Variants in SMS observed in about 807,000 individuals in gnomAD.
The protein encoded by SMS is spermidine aminopropyltransferase.
SMS carries 3 observed loss-of-function variants against 33.0 expected under a neutral mutation model. The ratio of observed to expected loss-of-function variants is 0.09; its 90% CI spans 0.04 to 0.23. The LOEUF is 0.23. Ranked by LOEUF, SMS falls within the 10% of genes least tolerant of loss-of-function variation. The probability of loss-of-function intolerance (pLI) is 1.00; values close to 1 mark genes in which losing one functional copy is unlikely to be tolerated. For synonymous variants in SMS, 103 were observed against 112.2 expected (o/e 0.92, Z 0.52); for missense variants, 117 against 288.6 (o/e 0.41, Z 4.31).
chrX:21,975,569 G>T (rs937769473), intron 4 of SMS, among the ~76,000 whole-genome samples: 1 of 111,304 alleles, frequency 9.0e-6, no homozygotes, highest in Non-Finnish European at 1.9e-5. Flanking sequence ...TCAGCCAGGG[G>T]TGGAAGAGGC....
At chrX:21,941,884 CAAAAAAAAAAAAAAAAAAAAAAAAA>C (rs760394146) in intron 1 of SMS, among the ~76,000 whole-genome samples, 18 of 19,568 alleles carry the variant, frequency 9.2e-4, no homozygotes, top group East Asian at 7.2e-3. Flanking sequence ...GACCCTGTCT[CAAAAAAAAAAAAAAAAAAAAAAAAA>C]AAAAAAAAAA....
chrX:21,964,054 G>A (rs1170390514), intron 1 of SMS, among the ~76,000 whole-genome samples: 2 of 99,917 alleles, frequency 2.0e-5, no homozygotes, highest in Non-Finnish European at 4.0e-5. Context: ...TACCAAGTTT[G>A]AAATCAGATT....
chrX:21,954,035 C>A (rs899897426), intron 1 of SMS, among the ~76,000 whole-genome samples: 39 of 110,646 alleles, frequency 3.5e-4, no homozygotes, highest in Non-Finnish European at 7.0e-4. Context: ...CTCTAGTATG[C>A]AGTTTCTGTT....
intron 2 of SMS, among the ~76,000 whole-genome samples, chrX:21,971,475 C>T (rs1381594682): frequency 4.5e-5 from 5 of 111,660 alleles, no homozygotes; most frequent in Non-Finnish European, 9.4e-5. Flanking sequence ...ATTTACCTAC[C>T]ACCAGCCTGC....
chrX:21,982,784 A>T (rs1488141761), intron 7 of SMS, among the ~76,000 whole-genome samples: 1 of 112,686 alleles, frequency 8.9e-6, no homozygotes, highest in Non-Finnish European at 1.9e-5. Flanking sequence ...GTGTGCAAGT[A>T]TTCGTAAGAA....
In SMS at chrX:21,942,646, A is replaced by AT. The variant is rs1180169133; in HGVS notation, c.49+1775dup. On this transcript the variant is annotated intron_variant, in intron 1 of 10. Coordinates refer to ENST00000404933, the MANE Select transcript of SMS (RefSeq NM_004595.5). Reference sequence around the variant, plus strand: ...GGTGGAGCTGAAGAGCCAAGGTTTCATTAATAACCCTGCCAGCCTTAGGGC... The same window carrying AT: ...GGTGGAGCTGAAGAGCCAAGGTTTCATTTAATAACCCTGCCAGCCTTAGGGC... 3.6e-5 allele frequency among the ~76,000 whole-genome samples: 4 copies of AT among 110,712 alleles called. No individual in the cohort carries two copies. In the East Asian group the frequency reaches 8.5e-4, roughly 24 times the overall value.
chrX:21,989,838 G>T (rs1925638696), intron 9 of SMS, among the ~76,000 whole-genome samples: 2 of 110,973 alleles, frequency 1.8e-5, no homozygotes, highest in African/African-American at 6.6e-5. Flanking sequence ...TGCCTCCCGG[G>T]TTCAAGCACC....
At position 21,940,750 on chromosome X, in the gene SMS, C is replaced by A; in HGVS notation, c.-75C>A. The A allele has an allele frequency of 1.1e-6, 1 of 882,629 alleles. No homozygotes were observed. Among genetic ancestry groups the A allele is most frequent in the Non-Finnish European group, 1.6e-6 (1 of 644,241 alleles). 72.7% of individuals were successfully genotyped at this position (882,629 alleles called of 1,213,427 possible). On this transcript the variant is annotated 5_prime_UTR_variant, in exon 1 of 11. Transcript: ENST00000404933. ...GGCGCAGCACACTCCCAGCCGGCCG[C>A]AGCCTGACACGCCGCGCGGCCCCCC...
At position 21,988,662 on chromosome X, in the gene SMS, C is replaced by CAAAAAAAAAAAAAA. The variant is rs199561897; in HGVS notation, c.945+3456_945+3469dup. On this transcript the variant is annotated intron_variant, in intron 9 of 10. Transcript: ENST00000404933. ...CCTGGGCAAGAGGGAGACTCTGTCT[C>CAAAAAAAAAAAAAA]AAAAAAAAAAAAAAAAAAAAAAAAA... is the stretch of plus-strand genomic sequence containing the variant. 2.0e-3 allele frequency among the ~76,000 whole-genome samples: 129 copies of CAAAAAAAAAAAAAA among 66,126 alleles called. 2 individuals carry two copies. Among genetic ancestry groups the CAAAAAAAAAAAAAA allele is most frequent in the Non-Finnish European group, 2.6e-3 (93 of 35,331 alleles). The allele number at this position is 66,126 out of a possible 115,157, so 57.4% of individuals were successfully genotyped here.
chrX:21,984,158 GTT>G, intron 7 of SMS, 144 bp from the exon 8 acceptor site: 3 of 502,540 alleles, frequency 6.0e-6, no homozygotes, highest in Middle Eastern at 5.7e-4. Context: ...ATAGATGAAA[GTT>G]TTTTGGTTCC....
At position 21,972,498 on chromosome X, in the gene SMS, T is replaced by G. The variant is rs1924237640; in HGVS notation, c.265-9T>G. ...TCTACAAGCCCATTGATTTTTCTTTTAATTGTAGATTTTGAACAAAGTAGA... is the reference window on the plus strand; with the variant it reads ...TCTACAAGCCCATTGATTTTTCTTTGAATTGTAGATTTTGAACAAAGTAGA... On this transcript the variant is annotated splice_polypyrimidine_tract_variant and intron_variant, in intron 3 of 10. Coordinates refer to ENST00000404933, the MANE Select transcript of SMS (RefSeq NM_004595.5). 2 of 1,148,687 alleles carry G rather than the reference T, an allele frequency of 1.7e-6. No individual in the cohort carries two copies. Among genetic ancestry groups the G allele is most frequent in the Admixed American group, 4.4e-5 (2 of 45,579 alleles). The allele number at this position is 1,148,687 out of a possible 1,213,427, so 94.7% of individuals were successfully genotyped here.
chrX:21,958,331 C>T (rs1486213418), intron 1 of SMS, among the ~76,000 whole-genome samples: 7 of 112,214 alleles, frequency 6.2e-5, no homozygotes, highest in Non-Finnish European at 1.1e-4. Flanking sequence ...CTTTCTTCTA[C>T]GTGTGGCTTG....
intron 1 of SMS, among the ~76,000 whole-genome samples, chrX:21,947,944 C>T (rs1922348439): frequency 9.0e-6 from 1 of 111,260 alleles, no homozygotes; most frequent in Non-Finnish European, 1.9e-5. Flanking sequence ...GGGCTGCTTC[C>T]GGGAGATCCC....
intron 2 of SMS, among the ~76,000 whole-genome samples, chrX:21,970,883 A>G (rs1294286842): frequency 2.7e-5 from 3 of 110,045 alleles, no homozygotes; most frequent in Non-Finnish European, 5.7e-5. Context: ...GAAATAACAC[A>G]TCTGTGTAAA....
intron 9 of SMS, among the ~76,000 whole-genome samples, chrX:21,992,362 T>C (rs1925812244): frequency 8.9e-6 from 1 of 112,815 alleles, no homozygotes; most frequent in Non-Finnish European, 1.9e-5. Flanking sequence ...CTTTCTATCA[T>C]TTCATATTCT....
chrX:21,967,056 TTTTATTTATTTA>T (rs565160089), intron 1 of SMS, 128 bp from the exon 2 acceptor site: 48 of 322,770 alleles, frequency 1.5e-4, no homozygotes, highest in Non-Finnish European at 1.8e-4. Context: ...GTTTTTTAAT[TTTTATTTATTTA>T]TTTATTTATT....
chrX:21,944,921 C>T, intron 1 of SMS, among the ~76,000 whole-genome samples: 1 of 107,945 alleles, frequency 9.3e-6, no homozygotes, highest in Admixed American at 9.6e-5. Context: ...GGAGGTTACG[C>T]TGAGCCCAGA....
chrX:21,968,032 T>C (rs998288548), intron 2 of SMS, among the ~76,000 whole-genome samples: 3 of 112,496 alleles, frequency 2.7e-5, no homozygotes, highest in African/African-American at 9.7e-5. Flanking sequence ...GCCCACCACC[T>C]GTGGGGACCC....
intron 3 of SMS, among the ~76,000 whole-genome samples, chrX:21,972,207 T>C (rs1489694203): frequency 1.8e-5 from 2 of 112,440 alleles, no homozygotes; most frequent in Non-Finnish European, 3.8e-5. Context: ...AGTAATCTTA[T>C]TTTCCACTGG....
Sources: allele counts gnomAD v4.1 joint callset (sites outside exome capture counted in the v4.1 genomes callset), GRCh38; gene constraint gnomAD v4.1.1; transcripts MANE v1.5; gene names NCBI Gene and HGNC (gene_info 2026-07-23, HGNC 2026-07-21).